Variants in DNAAF9 observed in about 807,000 individuals in gnomAD.
The protein encoded by DNAAF9 is dynein axonemal assembly factor 9, also known as shulin.
Under a neutral mutation model 167.0 loss-of-function variants are expected in DNAAF9, and 90 were observed. The observed-to-expected ratio is 0.54, with a 90% CI of 0.45 to 0.64. The LOEUF is 0.64. DNAAF9 is among the 30% of genes least tolerant of loss of function. The pLI is 0.00. For missense variants in DNAAF9, 1,315 were observed against 1,442.2 expected, an observed-to-expected ratio of 0.91 and a Z score of 1.43; for synonymous variants, 491 against 508.8, an observed-to-expected ratio of 0.96 and a Z score of 0.47.
Position 3,340,536 on chromosome 20 carries a change from T to C in DNAAF9, c.949A>G (p.Thr317Ala). ...TTGGCAAAGCTCCCGCCGGGACCAGTGCTTCGTACCAGATGTCCTTCAGAA... is the reference window on the plus strand; with the variant it reads ...TTGGCAAAGCTCCCGCCGGGACCAGCGCTTCGTACCAGATGTCCTTCAGAA... ...FPSEGHLVRS[T>A]GPGGSFAKHM... The change falls in exon 10 of 37, where the codon ACT becomes GCT. Residue 317 changes from threonine (T) to alanine (A), a missense_variant. By Grantham distance (58) the Thr-to-Ala change is moderately conservative. Coordinates refer to ENST00000252032, the MANE Select transcript of DNAAF9 (RefSeq NM_001009984.3). 1.3e-6 allele frequency: 2 copies of C among 1,567,480 alleles called. No homozygotes were observed. The highest frequency in any genetic ancestry group is 1.7e-6 in the Non-Finnish European group (2 of 1,152,022).
chr20:3,256,730 C>T (rs1435581699), intron 33 of DNAAF9, among the ~76,000 whole-genome samples: 5 of 152,210 alleles, frequency 3.3e-5, no homozygotes, highest in African/African-American at 1.2e-4. Context: ...GAGCGTGAGA[C>T]ATCCACATAG....
At chr20:3,269,868 G>A (rs1456087432) in intron 30 of DNAAF9, among the ~76,000 whole-genome samples, 2 of 151,566 alleles carry the variant, frequency 1.3e-5, no homozygotes, top group African/African-American at 2.4e-5. Context: ...TGAGGCAGGA[G>A]AATGGCGTGA....
intron 12 of DNAAF9, among the ~76,000 whole-genome samples, chr20:3,329,202 C>G (rs1297553881): frequency 1.4e-5 from 2 of 143,232 alleles, no homozygotes; most frequent in Non-Finnish European, 3.1e-5. Context: ...GGAACTCACT[C>G]TGTCACCCAG....
chr20:3,350,383 T>C (rs1035362367), intron 7 of DNAAF9, among the ~76,000 whole-genome samples: 11 of 151,770 alleles, frequency 7.2e-5, no homozygotes, highest in African/African-American at 2.7e-4. Context: ...ATGTTTTATA[T>C]ATAACGTAGG....
intron 1 of DNAAF9, among the ~76,000 whole-genome samples, chr20:3,388,510 C>T (rs1362414319): frequency 1.3e-5 from 2 of 152,130 alleles, no homozygotes; most frequent in Non-Finnish European, 2.9e-5. Flanking sequence ...TACCTGTATA[C>T]CCATCTTCAT....
intron 29 of DNAAF9, among the ~76,000 whole-genome samples, chr20:3,273,524 A>G (rs1362070499): frequency 1.3e-5 from 2 of 152,108 alleles, no homozygotes; most frequent in Non-Finnish European, 1.5e-5. Context: ...GAGCCAGCAT[A>G]TCACAGTGGT....
At position 3,304,492 on chromosome 20, in the gene DNAAF9, C is replaced by T. The variant is rs768508774; in HGVS notation, c.1730G>A (p.Arg577Lys). 21 of 1,528,644 alleles carry T rather than the reference C, an allele frequency of 1.4e-5. No individual in the cohort carries two copies. The highest frequency in any genetic ancestry group is 4.5e-5 in the East Asian group (2 of 44,370). The allele number at this position is 1,528,644 out of a possible 1,614,324, so 94.7% of individuals were successfully genotyped here. A position where few individuals can be genotyped will look rare whatever the true frequency, so the allele number is the denominator to read the frequency against. ...SGLLFSHCRH[R>K]SIIISKDHMN... ...GTGATCCTTGGAAATGATGATACTTCTATGACGACAGTGAGAAAACAGAAG... is the reference window on the plus strand; with the variant it reads ...GTGATCCTTGGAAATGATGATACTTTTATGACGACAGTGAGAAAACAGAAG... Residue 577 changes from arginine (R) to lysine (K), a missense_variant, in exon 21 of 37, where the codon AGA becomes AAA. Around this residue, in one of 2 missense-constraint regions of DNAAF9, gnomAD observed 981 missense variants for 1,012.5 expected, o/e 0.97. Transcript: ENST00000252032.
chr20:3,254,444 T>C (rs1470876787), intron 35 of DNAAF9, among the ~76,000 whole-genome samples: 1 of 152,206 alleles, frequency 6.6e-6, no homozygotes, highest in African/African-American at 2.4e-5. Context: ...CTATTTAGTG[T>C]CTCCTAGAAT....
At position 3,374,107 on chromosome 20, in the gene DNAAF9, C is replaced by T. The variant is rs976211862; in HGVS notation, c.553G>A (p.Val185Ile). 4.3e-6 allele frequency: 7 copies of T among 1,613,712 alleles called. No individual in the cohort carries two copies. The African/African-American group carries it at 6.7e-5, about 15-fold the overall frequency. Residue 185 changes from valine (V) to isoleucine (I), a missense_variant, in exon 6 of 37, where the codon GTA becomes ATA. Transcript: ENST00000252032. ...ATGCCCTCAAGTGCAAAGGCCTGTA[C>T]AATTGGCCATTTCTCCACCACAAAC... ...DMFVVEKWPI[V>I]QAFALEGIGG...
At position 3,381,357 on chromosome 20, in the gene DNAAF9, G is replaced by GA. The variant is rs752865726; in HGVS notation, c.283+21dup. The GA allele has an allele frequency of 1.9e-6, 3 of 1,583,292 alleles. No homozygotes were observed. The East Asian group carries it at 6.8e-5, about 36-fold the overall frequency. On this transcript the variant is annotated intron_variant, in intron 3 of 36. Transcript: ENST00000252032. ...AAACCTCTTACTCTTCTATCACACA[G>GA]AGTTTACCAATATATACTTACCATC...
chr20:3,332,912 T>TGTGG (rs1371535135), intron 10 of DNAAF9, among the ~76,000 whole-genome samples: 1 of 145,222 alleles, frequency 6.9e-6, no homozygotes, highest in Non-Finnish European at 1.6e-5. Flanking sequence ...TGTGTGTGTG[T>TGTGG]GTGTGTGTGT....
intron 29 of DNAAF9, among the ~76,000 whole-genome samples, chr20:3,272,170 CCTT>C (rs2068605119): frequency 1.3e-5 from 2 of 152,042 alleles, no homozygotes; most frequent in South Asian, 2.1e-4. Context: ...ACAATGAACT[CCTT>C]AATATAAAAA....
At chr20:3,349,147 G>A (rs1265479703) in intron 7 of DNAAF9, among the ~76,000 whole-genome samples, 2 of 133,248 alleles carry the variant, frequency 1.5e-5, no homozygotes, top group Non-Finnish European at 3.1e-5. Context: ...TGAGCCCCAG[G>A]ACTTCCAGAC....
At chr20:3,313,825 G>A (rs746055426) in intron 20 of DNAAF9, among the ~76,000 whole-genome samples, 1 of 152,272 alleles carries the variant, frequency 6.6e-6, no homozygotes, top group Non-Finnish European at 1.5e-5. Context: ...TGACAGCGGT[G>A]TAGCTATAAG....
chr20:3,318,123 T>TTAG (rs2069540020), intron 17 of DNAAF9, among the ~76,000 whole-genome samples, 166 bp downstream of exon 17: 27 of 139,438 alleles, frequency 1.9e-4, no homozygotes, highest in Non-Finnish European at 2.7e-4. Flanking sequence ...TTTTTTTTGA[T>TTAG]ACGGGGTCTC....
At chr20:3,292,833 G>A (rs1189871366) in intron 25 of DNAAF9, among the ~76,000 whole-genome samples, 1 of 151,860 alleles carries the variant, frequency 6.6e-6, no homozygotes, top group Non-Finnish European at 1.5e-5. Context: ...TTGGGAGGCT[G>A]AGGCAGGTGG....
intron 1 of DNAAF9, among the ~76,000 whole-genome samples, chr20:3,406,529 C>T (rs762697184): frequency 3.3e-5 from 5 of 152,170 alleles, no homozygotes; most frequent in Admixed American, 1.3e-4. Flanking sequence ...AACCTCCACA[C>T]TGCGCCGGCG....
At position 3,250,151 on chromosome 20, in the gene DNAAF9, G is replaced by C. The variant is rs1196921854; in HGVS notation, c.*2421C>G. The C allele has an allele frequency of 6.6e-6, 1 of 152,204 alleles. No homozygotes were observed. Among genetic ancestry groups the C allele is most frequent in the African/African-American group, 2.4e-5 (1 of 41,446 alleles). The allele number at this position is 152,204 out of a possible 1,614,324, so 9.4% of individuals were successfully genotyped here. On this transcript the variant is annotated 3_prime_UTR_variant, in exon 37 of 37. Transcript: ENST00000252032. Reference sequence around the variant, plus strand: ...GGAACCCACCCCCGCTCTTTGCTGGGTCCCTGGATCCACTTCTAAGGTCAA... The same window carrying C: ...GGAACCCACCCCCGCTCTTTGCTGGCTCCCTGGATCCACTTCTAAGGTCAA...
chr20:3,324,121 T>C (rs1436658936), intron 14 of DNAAF9, among the ~76,000 whole-genome samples: 1 of 152,214 alleles, frequency 6.6e-6, no homozygotes, highest in Non-Finnish European at 1.5e-5. Context: ...GTTCTGGCTC[T>C]TTCTTCCACT....
Sources: gnomAD v4.1 joint callset for allele counts (sites outside exome capture counted in the v4.1 genomes callset) on GRCh38, gnomAD v4.1.1 for gene constraint, gnomAD v4.1.1 regional missense constraint, MANE v1.5 for transcripts, NCBI Gene and HGNC (gene_info 2026-07-23, HGNC 2026-07-21) for gene names.